FBXL20: variants seen among roughly 807,000 people sequenced by gnomAD.
FBXL20 encodes the protein F-box/LRR-repeat protein 20.
FBXL20 carries 11 observed loss-of-function variants against 64.0 expected under a neutral mutation model. That is an observed-to-expected ratio of 0.17 (90% CI 0.11 to 0.28). FBXL20 has a LOEUF of 0.28. Ranked by LOEUF, FBXL20 falls within the 10% of genes least tolerant of loss-of-function variation. FBXL20 has a pLI of 1.00. For missense variants in FBXL20, 303 were observed against 526.2 expected, an observed-to-expected ratio of 0.58 and a Z score of 4.15; for synonymous variants, 184 against 189.0, an observed-to-expected ratio of 0.97 and a Z score of 0.22.
rs747264895 is a variant in FBXL20, at chr17:39,401,415, T to C, written c.-13A>G. Reference sequence around the variant, plus strand: ...CGTCCCTCCTCATGGGGCCGGCGGGTGCGGCCCGGGCCGGGCGCTGCGGCG... The same window carrying C: ...CGTCCCTCCTCATGGGGCCGGCGGGCGCGGCCCGGGCCGGGCGCTGCGGCG... On this transcript the variant is annotated 5_prime_UTR_variant, in exon 1 of 15. Coordinates refer to ENST00000264658, the MANE Select transcript of FBXL20 (RefSeq NM_032875.3). The C allele has an allele frequency of 1.1e-5, 17 of 1,594,986 alleles. No homozygotes were observed. In the South Asian group the frequency reaches 1.8e-4, roughly 17 times the overall value.
intron 1 of FBXL20, among the ~76,000 whole-genome samples, chr17:39,375,874 C>G (rs2047962249): frequency 6.6e-6 from 1 of 152,078 alleles, no homozygotes; most frequent in South Asian, 2.1e-4. Context: ...AATCCCAGCA[C>G]TTTGGGAGGC....
chr17:39,291,321 C>T (rs2047036294), intron 6 of FBXL20, among the ~76,000 whole-genome samples: 1 of 149,590 alleles, frequency 6.7e-6, no homozygotes, highest in Admixed American at 6.7e-5. Flanking sequence ...ATTTAATTTA[C>T]TTTTTTCTAT....
At chr17:39,280,104 G>A (rs556864980) in intron 9 of FBXL20, among the ~76,000 whole-genome samples, 3 of 151,776 alleles carry the variant, frequency 2.0e-5, no homozygotes, top group African/African-American at 4.8e-5. Context: ...GTGTGGTGAC[G>A]GGCGCTTGTA....
chr17:39,317,707 T>TG (rs1198072376), intron 2 of FBXL20, among the ~76,000 whole-genome samples: 3 of 63,822 alleles, frequency 4.7e-5, no homozygotes, highest in South Asian at 3.1e-4. Flanking sequence ...TTTTGTTTTT[T>TG]TTTTTTTTTT....
chr17:39,321,432 C>CTCCAGCCTGGCAACAGAGCTAGAA (rs2047355115), intron 2 of FBXL20, among the ~76,000 whole-genome samples: 2 of 148,426 alleles, frequency 1.3e-5, no homozygotes, highest in African/African-American at 2.5e-5. Context: ...CACCATTGCA[C>CTCCAGCCTGGCAACAGAGCTAGAA]TCCAGCCTGG....
intron 12 of FBXL20, among the ~76,000 whole-genome samples, chr17:39,265,962 GTCT>G (rs2046787701): frequency 6.6e-6 from 1 of 151,716 alleles, no homozygotes; most frequent in Non-Finnish European, 1.5e-5. Flanking sequence ...ACCCAGACTG[GTCT>G]TCAACTTTCA....
chr17:39,385,184 C>T (rs948969854), intron 1 of FBXL20, among the ~76,000 whole-genome samples: 5 of 151,938 alleles, frequency 3.3e-5, no homozygotes, highest in East Asian at 1.9e-4. Flanking sequence ...ATGGCGCCAC[C>T]GCACTCCAGA....
At chr17:39,324,175 C>T (rs778772667) in intron 2 of FBXL20, among the ~76,000 whole-genome samples, 5 of 150,004 alleles carry the variant, frequency 3.3e-5, no homozygotes, top group Non-Finnish European at 5.9e-5. Context: ...TCAACTGCAT[C>T]AGTATACCTG....
intron 10 of FBXL20, among the ~76,000 whole-genome samples, chr17:39,273,178 T>C (rs1011460545): frequency 3.3e-5 from 5 of 151,972 alleles, no homozygotes; most frequent in African/African-American, 1.2e-4. Context: ...CCACCACGCC[T>C]GTAATTTTTG....
At chr17:39,363,670 G>A (rs1331459189) in intron 1 of FBXL20, among the ~76,000 whole-genome samples, 1 of 151,676 alleles carries the variant, frequency 6.6e-6, no homozygotes, top group Non-Finnish European at 1.5e-5. Flanking sequence ...AACTAGCTGG[G>A]CATGGTGACA....
intron 6 of FBXL20, among the ~76,000 whole-genome samples, chr17:39,293,207 T>C (rs2047056192): frequency 6.6e-6 from 1 of 151,728 alleles, no homozygotes; most frequent in South Asian, 2.1e-4. Flanking sequence ...GGCAGGCAGT[T>C]AAGTTTGTTT....
At chr17:39,328,363 G>A (rs1439750881) in intron 2 of FBXL20, among the ~76,000 whole-genome samples, 1 of 151,584 alleles carries the variant, frequency 6.6e-6, no homozygotes, top group Non-Finnish European at 1.5e-5. Flanking sequence ...TGAATCAAGG[G>A]AGGTGTAAGA....
chr17:39,300,746 T>A (rs1036386445), intron 4 of FBXL20, among the ~76,000 whole-genome samples: 2 of 152,154 alleles, frequency 1.3e-5, no homozygotes, highest in African/African-American at 4.8e-5. Context: ...AAACTTTTAG[T>A]CCTATTTCAA....
chr17:39,301,925 G>A (rs371879934), intron 3 of FBXL20, among the ~76,000 whole-genome samples: 13 of 46,804 alleles, frequency 2.8e-4, no homozygotes, highest in East Asian at 1.7e-3. Flanking sequence ...CCCTCCCCCC[G>A]CCCACGCACA....
intron 7 of FBXL20, 104 bp from the exon 8 acceptor site, chr17:39,282,959 AT>A (rs199955059): frequency 2.3e-5 from 30 of 1,330,784 alleles, no homozygotes; most frequent in Non-Finnish European, 3.2e-5. Flanking sequence ...AAACATTCCC[AT>A]TTTTTCCCAC....
At chr17:39,383,034 G>A (rs1011931772) in intron 1 of FBXL20, among the ~76,000 whole-genome samples, 1 of 150,906 alleles carries the variant, frequency 6.6e-6, no homozygotes, top group African/African-American at 2.4e-5. Flanking sequence ...ATGGTGGCGT[G>A]CACCTGTAGT....
At position 39,351,294 on chromosome 17, in the gene FBXL20, C is replaced by T. The variant is rs145675709; in HGVS notation, c.43-8053G>A. ...GAGGTTGCAGTGAGCTGAGATCACA[C>T]CATTGCACTCCAGCTTGGGCAACAA... On this transcript the variant is annotated intron_variant, in intron 1 of 14. Transcript: ENST00000264658. Among the ~76,000 whole-genome samples, 1,191 of 150,070 alleles carry T rather than the reference C, an allele frequency of 7.9e-3. 6 individuals carry two copies. Among genetic ancestry groups the T allele is most frequent in the Non-Finnish European group, 0.013 (871 of 67,766 alleles).
At chr17:39,390,309 C>CCT (rs1319352778) in intron 1 of FBXL20, among the ~76,000 whole-genome samples, 1 of 152,022 alleles carries the variant, frequency 6.6e-6, no homozygotes, top group African/African-American at 2.4e-5. Flanking sequence ...GTAATCAATC[C>CCT]CAGCACTTTG....
At chr17:39,314,524 AC>A (rs1846460712) in intron 2 of FBXL20, among the ~76,000 whole-genome samples, 2 of 151,816 alleles carry the variant, frequency 1.3e-5, no homozygotes, top group South Asian at 4.2e-4. Flanking sequence ...TTGTGCCTGT[AC>A]AAATTTTGTA....
Sources: gnomAD v4.1 joint callset for allele counts (sites outside exome capture counted in the v4.1 genomes callset) on GRCh38, gnomAD v4.1.1 for gene constraint, MANE v1.5 for transcripts, NCBI Gene and HGNC (gene_info 2026-07-23, HGNC 2026-07-21) for gene names.